The following KYNU variants were observed in gnomAD, a reference collection of about 807,000 sequenced individuals.
KYNU encodes the protein L-kynurenine hydrolase.
In KYNU, 54 loss-of-function variants were observed where a neutral mutation model predicts 59.2. That is an observed-to-expected ratio of 0.91 (90% confidence interval 0.73 to 1.14). KYNU has a LOEUF of 1.14. KYNU is among the 50% of genes most tolerant of loss of function. KYNU has a pLI of 0.00. For synonymous variants in KYNU, 177 were observed against 192.0 expected (o/e 0.92, Z 0.65); for missense variants, 567 against 554.4 (o/e 1.02, Z -0.23).
rs921706154 is a variant in KYNU, at chr2:143,051,396, G to A, written c.*9224G>A. On this transcript the variant is annotated 3_prime_UTR_variant, in exon 14 of 14. Transcript: ENST00000264170. ...AACAGGAAGAGTGCTCATTTTAATT[G>A]AGCTGATCATGTTTCTAGGATTTTT... 1.4e-4 allele frequency: 22 copies of A among 151,896 alleles called. No individual in the cohort carries two copies. Among genetic ancestry groups the A allele is most frequent in the Admixed American group, 3.9e-4 (6 of 15,256 alleles). The allele number at this position is 151,896 out of a possible 1,614,324, so 9.4% of individuals were successfully genotyped here.
At chr2:142,939,834 C>T (rs1049578237) in intron 4 of KYNU, among the ~76,000 whole-genome samples, 1 of 152,112 alleles carries the variant, frequency 6.6e-6, no homozygotes, top group Non-Finnish European at 1.5e-5. Flanking sequence ...GGGGGCAGCT[C>T]ACGTGGAGTC....
intron 10 of KYNU, among the ~76,000 whole-genome samples, chr2:143,002,244 T>C (rs1362960902): frequency 1.3e-5 from 2 of 152,248 alleles, no homozygotes; most frequent in African/African-American, 4.8e-5. Context: ...TCTTTCTTTG[T>C]AAACAATCAT....
chr2:143,026,150 A>C (rs1686547367), intron 10 of KYNU, among the ~76,000 whole-genome samples: 1 of 152,214 alleles, frequency 6.6e-6, no homozygotes, highest in Non-Finnish European at 1.5e-5. Flanking sequence ...TTAAATATAA[A>C]TGCATACATG....
intron 10 of KYNU, among the ~76,000 whole-genome samples, chr2:143,003,026 T>C (rs139369320): frequency 2.0e-5 from 3 of 152,334 alleles, no homozygotes; most frequent in African/African-American, 4.8e-5. Context: ...AAACATTATC[T>C]TACCAGCCTT....
intron 2 of KYNU, among the ~76,000 whole-genome samples, chr2:142,913,340 T>G (rs1160984005): frequency 4.6e-5 from 7 of 152,238 alleles, no homozygotes; most frequent in African/African-American, 1.7e-4. Flanking sequence ...CTATAAGTTT[T>G]CCTCATAATA....
rs1687335107 is a variant in KYNU, at chr2:143,055,321, T to C, written c.*13149T>C. Reference sequence around the variant, plus strand: ...CTGTTTTCTTACTTTTTTTAGATTCTAGAGGCTTCCCACAATCCTTGGCTT... The same window carrying C: ...CTGTTTTCTTACTTTTTTTAGATTCCAGAGGCTTCCCACAATCCTTGGCTT... On this transcript the variant is annotated 3_prime_UTR_variant, in exon 14 of 14. Transcript: ENST00000264170. 1 of 152,164 alleles carries C rather than the reference T, an allele frequency of 6.6e-6. No homozygotes were observed. Among genetic ancestry groups the C allele is most frequent in the Admixed American group, 6.5e-5 (1 of 15,272 alleles). The allele number at this position is 152,164 out of a possible 1,614,324, so 9.4% of individuals were successfully genotyped here. A position where few individuals can be genotyped will look rare whatever the true frequency, so the allele number is the denominator to read the frequency against.
rs560765919 is a variant in KYNU, at chr2:142,916,441, G to A, written c.170-2168G>A. ...AAAAAGAGGAATTGCAGCAGAGACT[G>A]TATGGCTTGGAAAGCCTGAAATATT... On this transcript the variant is annotated intron_variant, in intron 2 of 13. Coordinates refer to ENST00000264170, the MANE Select transcript of KYNU (RefSeq NM_003937.3). Among the ~76,000 whole-genome samples, 155 of 152,270 alleles carry A rather than the reference G, an allele frequency of 1.0e-3. 1 individual carries two copies. The highest frequency in any genetic ancestry group is 3.5e-3 in the African/African-American group (147 of 41,570).
chr2:142,957,600 T>G (rs1233411999), intron 6 of KYNU, 41 bp from the exon 7 acceptor site: 1 of 1,175,766 alleles, frequency 8.5e-7, no homozygotes, highest in East Asian at 2.3e-5. Context: ...ACTTCTGTGC[T>G]CTCAGCTTGA....
At chr2:142,928,148 C>T (rs1280276145) in intron 4 of KYNU, among the ~76,000 whole-genome samples, 1 of 152,022 alleles carries the variant, frequency 6.6e-6, no homozygotes, top group Non-Finnish European at 1.5e-5. Flanking sequence ...TGTTTTTGCT[C>T]ATTTCAATTT....
chr2:142,947,150 C>T (rs1014861194), intron 4 of KYNU: 15 of 1,551,100 alleles, frequency 9.7e-6, no homozygotes, highest in Non-Finnish European at 1.3e-5. Context: ...TGGAAATGAC[C>T]TCAGTATGTG....
intron 4 of KYNU, among the ~76,000 whole-genome samples, chr2:142,931,148 G>A (rs1027695102): frequency 6.6e-6 from 1 of 152,190 alleles, no homozygotes; most frequent in African/African-American, 2.4e-5. Flanking sequence ...GGCGCACGCC[G>A]CTGACGTAAG....
intron 10 of KYNU, among the ~76,000 whole-genome samples, chr2:143,022,853 C>G (rs1223132448): frequency 6.6e-6 from 1 of 151,790 alleles, no homozygotes; most frequent in African/African-American, 2.4e-5. Context: ...ATATGTTTTT[C>G]TTTTCATAGC....
At chr2:142,913,527 T>A (rs539022811) in intron 2 of KYNU, among the ~76,000 whole-genome samples, 3 of 152,334 alleles carry the variant, frequency 2.0e-5, no homozygotes, top group Non-Finnish European at 4.4e-5. Flanking sequence ...TGGTATTGAT[T>A]TCTACTTTTA....
intron 2 of KYNU, among the ~76,000 whole-genome samples, chr2:142,918,016 G>A (rs1682722749): frequency 6.6e-6 from 1 of 152,060 alleles, no homozygotes; most frequent in Non-Finnish European, 1.5e-5. Context: ...TTAACTGTAG[G>A]ATAAAAATCA....
intron 2 of KYNU, among the ~76,000 whole-genome samples, chr2:142,907,272 G>T (rs977943461): frequency 6.6e-6 from 1 of 152,154 alleles, no homozygotes; most frequent in African/African-American, 2.4e-5. Context: ...TGGAAACTTG[G>T]GCCATGTGGT....
chr2:142,883,122 A>G (rs560973137), intron 1 of KYNU, among the ~76,000 whole-genome samples: 5 of 151,824 alleles, frequency 3.3e-5, no homozygotes, highest in African/African-American at 1.2e-4. Context: ...TTTCTACTCA[A>G]AACTCCCCAA....
intron 2 of KYNU, among the ~76,000 whole-genome samples, chr2:142,918,013 T>C (rs1169125653): frequency 6.6e-6 from 1 of 152,220 alleles, no homozygotes; most frequent in East Asian, 1.9e-4. Context: ...GGGTTAACTG[T>C]AGGATAAAAA....
chr2:142,912,291 G>A lies in KYNU; in HGVS notation c.170-6318G>A, dbSNP rs148626385. Among the ~76,000 whole-genome samples, 7 of 151,850 alleles carry A rather than the reference G, an allele frequency of 4.6e-5. No homozygotes were observed. In the East Asian group the frequency reaches 1.4e-3, roughly 29 times the overall value. On this transcript the variant is annotated intron_variant, in intron 2 of 13. Coordinates refer to ENST00000264170, the MANE Select transcript of KYNU (RefSeq NM_003937.3). The stretch of plus-strand genomic sequence containing the variant: ...AGTCTTGGGAGGTTGTATCTTTCCA[G>A]GAATTTATCTATTTCCTTCAGATTG...
intron 12 of KYNU, among the ~76,000 whole-genome samples, chr2:143,034,805 T>C (rs1397826274): frequency 1.3e-5 from 2 of 152,230 alleles, no homozygotes; most frequent in Non-Finnish European, 2.9e-5. Context: ...TGCAAGTTTG[T>C]ATCAGCGAGA....
Sources: allele counts gnomAD v4.1 joint callset (sites outside exome capture counted in the v4.1 genomes callset), GRCh38; gene constraint gnomAD v4.1.1; transcripts MANE v1.5; gene names NCBI Gene and HGNC (gene_info 2026-07-23, HGNC 2026-07-21).